Variants in TCTN1 observed in about 807,000 individuals in gnomAD.
TCTN1 encodes tectonic family member 1, also known as tectonic-1.
A neutral mutation model predicts 65.8 loss-of-function variants in TCTN1; 58 were observed. The ratio of observed to expected loss-of-function variants is 0.88; its 90% CI spans 0.71 to 1.10. The LOEUF (loss-of-function observed/expected upper bound fraction) is 1.10, where lower values mean the gene tolerates loss of function less well. Ranked by LOEUF, TCTN1 falls within the 50% of genes least tolerant of loss-of-function variation. The pLI, the probability that TCTN1 is intolerant of heterozygous loss-of-function variation, is 0.00. For missense variants in TCTN1, 645 were observed against 719.4 expected, an observed-to-expected ratio of 0.90 and a Z score of 1.18; for synonymous variants, 273 against 289.1, an observed-to-expected ratio of 0.94 and a Z score of 0.57.
Position 110,649,393 on chromosome 12 carries a change from G to T in TCTN1, c.*352G>T. On this transcript the variant is annotated 3_prime_UTR_variant, in exon 15 of 15. Transcript: ENST00000397659. ...CCATGAGACAGTGTCTTCTTTTTGAGGGGAGCTGGTCCGGGTCTAGTTCAC... is the reference window on the plus strand; with the variant it reads ...CCATGAGACAGTGTCTTCTTTTTGATGGGAGCTGGTCCGGGTCTAGTTCAC... 1.9e-6 allele frequency: 3 copies of T among 1,599,728 alleles called. No homozygotes were observed. The highest frequency in any genetic ancestry group is 2.6e-6 in the Non-Finnish European group (3 of 1,169,060).
chr12:110,635,018 C>T (rs1046800269), intron 6 of TCTN1, among the ~76,000 whole-genome samples: 20 of 152,054 alleles, frequency 1.3e-4, no homozygotes, highest in African/African-American at 4.6e-4. Context: ...TGATGGTAAC[C>T]AATATCTGTC....
rs367638462 is a variant in TCTN1 at position 110,634,797 on chromosome 12, G to C, written c.822+18G>C. The C allele has an allele frequency of 1.5e-5, 24 of 1,566,800 alleles. No homozygotes were observed. Among genetic ancestry groups the C allele is most frequent in the East Asian group, 1.3e-4 (6 of 44,490 alleles). Reference sequence around the variant, plus strand: ...TTCTGAGGGTAAGAATTATTTTGAAGTGGAACTTACTCATTAGGTATGTTT... The same window carrying C: ...TTCTGAGGGTAAGAATTATTTTGAACTGGAACTTACTCATTAGGTATGTTT... On this transcript the variant is annotated intron_variant, in intron 6 of 14. Transcript: ENST00000397659.
At chr12:110,622,985 C>T (rs369673988) in intron 2 of TCTN1, among the ~76,000 whole-genome samples, 42 of 152,250 alleles carry the variant, frequency 2.8e-4, no homozygotes, top group African/African-American at 9.4e-4. Context: ...TACTGAAATA[C>T]TGCACAGGAT....
intron 1 of TCTN1, chr12:110,617,006 G>A (rs2065086416): frequency 6.6e-6 from 1 of 152,196 alleles, no homozygotes; most frequent in African/African-American, 2.4e-5. Context: ...CGCATCCTGG[G>A]TAGAAACCTT....
In TCTN1 at chr12:110,619,018, A is replaced by C. The variant is rs537685355; in HGVS notation, c.221-818A>C. 3.4e-3 allele frequency among the ~76,000 whole-genome samples: 490 copies of C among 145,682 alleles called. 1 individual carries two copies. Among genetic ancestry groups the C allele is most frequent in the Middle Eastern group, 0.01 (3 of 286 alleles). ...AAACCCCGTCCCTAATAAAAATACA[A>C]AAAAAAAAAAAAAGTTGGGCGTGGT... On this transcript the variant is annotated intron_variant, in intron 1 of 14. Transcript: ENST00000397659.
In TCTN1 at chr12:110,614,155, C is replaced by T; in HGVS notation, c.-28C>T. ...TTGCCGGGCAACGCGCTGTCCATGT[C>T]GCGGGCCTCGCTGGGACTCCCTGGG... On this transcript the variant is annotated 5_prime_UTR_variant, in exon 1 of 15. Coordinates refer to ENST00000397659, the MANE Select transcript of TCTN1 (RefSeq NM_001082538.3). 3.9e-6 allele frequency: 6 copies of T among 1,546,450 alleles called. No homozygotes were observed. The highest frequency in any genetic ancestry group is 5.2e-6 in the Non-Finnish European group (6 of 1,146,950).
intron 2 of TCTN1, among the ~76,000 whole-genome samples, chr12:110,621,162 AC>A (rs1260477397): frequency 6.6e-6 from 1 of 152,166 alleles, no homozygotes; most frequent in Non-Finnish European, 1.5e-5. Flanking sequence ...TCAGGATGGG[AC>A]CAACTTAGTA....
intron 5 of TCTN1, among the ~76,000 whole-genome samples, chr12:110,633,165 A>G (rs1452920190): frequency 4.6e-5 from 7 of 152,168 alleles, no homozygotes; most frequent in African/African-American, 1.7e-4. Context: ...GGAGCCTCCA[A>G]GAGTTTGCAG....
At chr12:110,647,127 T>A in intron 12 of TCTN1, 69 bp from the exon 13 acceptor site, 1 of 1,582,178 alleles carries the variant, frequency 6.3e-7, no homozygotes, top group Non-Finnish European at 8.7e-7. Flanking sequence ...TGAAACCTTT[T>A]ATAATTAAAA....
At chr12:110,648,062 C>T (rs1764729193) in intron 14 of TCTN1, among the ~76,000 whole-genome samples, 169 bp downstream of exon 14, 1 of 152,138 alleles carries the variant, frequency 6.6e-6, no homozygotes, top group African/African-American at 2.4e-5. Context: ...GCCTTGACCT[C>T]CTGGGCTCAA....
In TCTN1 at chr12:110,645,056, T is replaced by C. The variant is rs368668920; in HGVS notation, c.1421T>C (p.Phe474Ser). 10 of 1,614,068 alleles carry C rather than the reference T, an allele frequency of 6.2e-6. No homozygotes were observed. The African/African-American group carries it at 1.3e-4, about 22-fold the overall frequency. Residue 474 changes from phenylalanine (F) to serine (S), a missense_variant, in exon 12 of 15, where the codon TTT becomes TCT. Phe to Ser is a radical substitution (Grantham distance 155). Transcript: ENST00000397659. ...GGCTTCCCAGATTACGTGGCCCCTT[T>C]TGGAAATTCCCAGGCCCAGGACATG... is the stretch of plus-strand genomic sequence containing the variant. The part of the protein sequence containing the change: ...GQGFPDYVAP[F>S]GNSQAQDMLD...
At chr12:110,626,001 C>G (rs1237466402) in intron 2 of TCTN1, 1 of 197,720 alleles carries the variant, frequency 5.1e-6, no homozygotes, top group East Asian at 1.4e-4. Context: ...ATCCGCCTAC[C>G]TCGGCCTCCC....
chr12:110,626,429 CAA>C lies in TCTN1; in HGVS notation c.411_412del (p.Arg138SerfsTer3), dbSNP rs1398514249. Reference sequence around the variant, plus strand: ...ATTGAATTTTACAGCAAACCCACCTCAAAGAGTATTTGAACTTGTTGACCAGA... The same window carrying C: ...ATTGAATTTTACAGCAAACCCACCTCAGAGTATTTGAACTTGTTGACCAGA... ...YSLNFTANPP[Q>X]RVFELVDQIN... On this transcript the variant is annotated frameshift_variant, in exon 3 of 15. Coordinates refer to ENST00000397659, the MANE Select transcript of TCTN1 (RefSeq NM_001082538.3). LOFTEE classifies it high-confidence loss of function. 1.2e-6 allele frequency: 2 copies of C among 1,611,298 alleles called. No homozygotes were observed. Among genetic ancestry groups the C allele is most frequent in the African/African-American group, 1.3e-5 (1 of 75,012 alleles).
At chr12:110,635,367 CA>C (rs2066493175) in intron 6 of TCTN1, among the ~76,000 whole-genome samples, 1 of 152,128 alleles carries the variant, frequency 6.6e-6, no homozygotes, top group Admixed American at 6.5e-5. Context: ...GATTAAAAAC[CA>C]TATGATAGGC....
rs2067182402 is a variant in TCTN1, at chr12:110,644,676, C to G, written c.1332-291C>G. The stretch of plus-strand genomic sequence containing the variant: ...CTGGGCAACAGAGCAAACTCCATCT[C>G]AAAACAAAACAAAAAAACCAAAAAT... On this transcript the variant is annotated intron_variant, in intron 11 of 14. Transcript: ENST00000397659. This position sits in a 1 kb window ranked among gnomAD's most constrained non-coding sequence, Gnocchi z 4.6. The G allele has an allele frequency of 2.5e-6, 1 of 403,226 alleles. No homozygotes were observed. The highest frequency in any genetic ancestry group is 2.2e-5 in the South Asian group (1 of 46,434). 25.0% of individuals were successfully genotyped at this position (403,226 alleles called of 1,614,324 possible).
At chr12:110,647,079 G>A in intron 12 of TCTN1, 117 bp from the exon 13 acceptor site, 2 of 1,226,870 alleles carry the variant, frequency 1.6e-6, no homozygotes, top group Non-Finnish European at 2.4e-6. Flanking sequence ...AACTTGTAGA[G>A]TCTATTCATT....
At chr12:110,619,815 C>T (rs1344284581) in intron 1 of TCTN1, 21 bp from the exon 2 acceptor site, 1 of 1,613,910 alleles carries the variant, frequency 6.2e-7, no homozygotes, top group Non-Finnish European at 8.5e-7. Flanking sequence ...GTTCTGGATC[C>T]TACCCCTCTT....
At chr12:110,633,745 C>A (rs560838898) in intron 5 of TCTN1, among the ~76,000 whole-genome samples, 3 of 152,122 alleles carry the variant, frequency 2.0e-5, no homozygotes, top group Admixed American at 1.3e-4. Context: ...TGGCAAAACT[C>A]AAAAAAACTG....
chr12:110,642,570 G>A (rs1211953515), intron 11 of TCTN1, among the ~76,000 whole-genome samples, 181 bp downstream of exon 11: 1 of 152,024 alleles, frequency 6.6e-6, no homozygotes, highest in Non-Finnish European at 1.5e-5. Flanking sequence ...TATTAAATAC[G>A]GCAAAGCAAA....
Sources: allele counts gnomAD v4.1 joint callset (sites outside exome capture counted in the v4.1 genomes callset), GRCh38; gene constraint gnomAD v4.1.1; non-coding constraint Gnocchi (gnomAD v3.1); transcripts MANE v1.5; gene names NCBI Gene and HGNC (gene_info 2026-07-23, HGNC 2026-07-21).